The following BRD4 variants were observed in gnomAD, a reference collection of about 807,000 sequenced individuals.
The protein encoded by BRD4 is bromodomain-containing protein 4.
Under a neutral mutation model 142.1 loss-of-function variants are expected in BRD4, and 16 were observed. The observed-to-expected ratio is 0.11, with a 90% CI of 0.08 to 0.17. BRD4 has a LOEUF of 0.17. Ranked by LOEUF, BRD4 falls within the 10% of genes least tolerant of loss-of-function variation. The pLI is 1.00. For synonymous variants in BRD4, 833 were observed against 707.5 expected, an observed-to-expected ratio of 1.18 and a Z score of -2.82; for missense variants, 1,424 against 1,810.9, an observed-to-expected ratio of 0.79 and a Z score of 3.88.
At chr19:15,310,231 T>TG (rs2047955572) in intron 1 of BRD4, among the ~76,000 whole-genome samples, 1 of 148,994 alleles carries the variant, frequency 6.7e-6, no homozygotes, top group African/African-American at 2.5e-5. Flanking sequence ...TTTTTTTTTT[T>TG]GAAAGAGAGT....
At chr19:15,255,776 CTG>C (rs1455687537) in intron 9 of BRD4, among the ~76,000 whole-genome samples, 184 bp from the exon 10 acceptor site, 1 of 152,348 alleles carries the variant, frequency 6.6e-6, no homozygotes, top group Non-Finnish European at 1.5e-5. Flanking sequence ...CCGAAGCAAA[CTG>C]TGACTGGAGG....
chr19:15,285,896 C>T (rs532258072), intron 1 of BRD4, among the ~76,000 whole-genome samples: 2 of 152,280 alleles, frequency 1.3e-5, no homozygotes, highest in South Asian at 4.1e-4. Flanking sequence ...ATGGTGCCCA[C>T]TCTGAGTTTA....
chr19:15,310,213 C>CTTT (rs34519343), intron 1 of BRD4, among the ~76,000 whole-genome samples: 1,238 of 122,370 alleles, frequency 0.01, 26 homozygotes, highest in South Asian at 0.048. Flanking sequence ...TTAAACAGTC[C>CTTT]TTTTTTTTTT....
At chr19:15,246,589 C>T (rs573992696) in intron 11 of BRD4, 2 of 152,228 alleles carry the variant, frequency 1.3e-5, no homozygotes, top group East Asian at 1.9e-4. Context: ...CCTGTTGTCT[C>T]GTGGCCTTGG....
intron 1 of BRD4, among the ~76,000 whole-genome samples, chr19:15,304,778 C>G (rs2047899586): frequency 6.6e-6 from 1 of 152,094 alleles, no homozygotes; most frequent in Non-Finnish European, 1.5e-5. Context: ...GGATTAGGGT[C>G]TCAGTTTTGC....
chr19:15,238,562 T>A lies in BRD4; in HGVS notation c.4021-117A>T. 1 of 1,556,920 alleles carries A rather than the reference T, an allele frequency of 6.4e-7. No homozygotes were observed. Among genetic ancestry groups the A allele is most frequent in the Non-Finnish European group, 8.7e-7 (1 of 1,151,764 alleles). ...AGCCCTCCCCGTGGCTGACCCCTCA[T>A]AGCGCTCACCCCGTCCACACAGCAC... On this transcript the variant is annotated intron_variant, in intron 19 of 19. Transcript: ENST00000679869. This position sits in a 1 kb window ranked among gnomAD's most constrained non-coding sequence, Gnocchi z 7.2.
At chr19:15,274,897 T>G (rs987835376) in intron 1 of BRD4, among the ~76,000 whole-genome samples, 38 of 151,908 alleles carry the variant, frequency 2.5e-4, no homozygotes, top group Non-Finnish European at 1.0e-4. Flanking sequence ...AGACAGGGTC[T>G]GTCGCCCAGG....
At chr19:15,271,717 G>A (rs1357297932) in intron 2 of BRD4, among the ~76,000 whole-genome samples, 1 of 152,240 alleles carries the variant, frequency 6.6e-6, no homozygotes, top group African/African-American at 2.4e-5. Context: ...TCAATGGAGA[G>A]CGTGGCGCCT....
In BRD4 at chr19:15,265,549, C is replaced by A. The variant is rs765222439; in HGVS notation, c.654G>T (p.Val218=). ...TQTPQPNPPP[V]QATPHPFPAV... Reference sequence around the variant, plus strand: ...CAGGGAAGGGGTGAGGCGTGGCCTGCACAGGAGGAGGATTCGGCTGAGGGG... The same window carrying A: ...CAGGGAAGGGGTGAGGCGTGGCCTGAACAGGAGGAGGATTCGGCTGAGGGG... The change falls in exon 5 of 20, where the codon GTG becomes GTT. Residue 218 remains valine (V), a synonymous_variant. Transcript: ENST00000679869. The A allele has an allele frequency of 6.2e-7, 1 of 1,613,950 alleles. No individual in the cohort carries two copies. Among genetic ancestry groups the A allele is most frequent in the East Asian group, 2.2e-5 (1 of 44,870 alleles).
intron 1 of BRD4, among the ~76,000 whole-genome samples, chr19:15,318,919 T>C (rs764421497): frequency 1.1e-4 from 17 of 152,256 alleles, no homozygotes; most frequent in Non-Finnish European, 2.2e-4. Flanking sequence ...CACATCACTG[T>C]TGACACGTTA....
In BRD4 at chr19:15,298,531, G is replaced by A. The variant is rs577099958; in HGVS notation, c.-34-25398C>T. 8.5e-5 allele frequency among the ~76,000 whole-genome samples: 12 copies of A among 140,894 alleles called. No homozygotes were observed. The South Asian group carries it at 2.8e-3, about 33-fold the overall frequency. The allele number at this position is 140,894 out of a possible 152,430, so 92.4% of individuals were successfully genotyped here. On this transcript the variant is annotated intron_variant, in intron 1 of 19. Transcript: ENST00000679869. ...AGCTATTCAGGAGGCTGAAGCAGAA[G>A]AATCACTTGAACCCGGGGGGCAGCG... is the stretch of plus-strand genomic sequence containing the variant.
intron 14 of BRD4, among the ~76,000 whole-genome samples, chr19:15,241,657 T>C (rs890387787): frequency 2.0e-5 from 3 of 152,032 alleles, no homozygotes; most frequent in Non-Finnish European, 2.9e-5. Context: ...TTGCATCCCC[T>C]GTCTATCACC....
At chr19:15,301,941 AG>A (rs905816157) in intron 1 of BRD4, among the ~76,000 whole-genome samples, 1 of 150,422 alleles carries the variant, frequency 6.6e-6, no homozygotes, top group Non-Finnish European at 1.5e-5. Context: ...ATGAGGCAGG[AG>A]TATCATTTGA....
At chr19:15,327,933 G>T (rs2048123988) in intron 1 of BRD4, among the ~76,000 whole-genome samples, 1 of 130,900 alleles carries the variant, frequency 7.6e-6, no homozygotes, top group Non-Finnish European at 1.6e-5. Flanking sequence ...GGGGGGGGTG[G>T]AAATGTCCTA....
At position 15,255,428 on chromosome 19, in the gene BRD4, G is replaced by A; in HGVS notation, c.1916C>T (p.Ser639Leu). 1 of 1,614,158 alleles carries A rather than the reference G, an allele frequency of 6.2e-7. No individual in the cohort carries two copies. The highest frequency in any genetic ancestry group is 1.3e-5 in the African/African-American group (1 of 75,054). The change falls in exon 10 of 20, where the codon TCA (serine) becomes TTA (leucine). Residue 639 changes from serine to leucine, a missense_variant. By Grantham distance (145) the Ser-to-Leu change is moderately radical. Coordinates refer to ENST00000679869, the MANE Select transcript of BRD4 (RefSeq NM_001379291.1). ...KLGRVVHIIQ[S>L]REPSLKNSNP... Reference sequence around the variant, plus strand: ...GGAATTCTTCAGGGAGGGCTCCCGTGACTGGATGATGTGCACCACGCGGCC... The same window carrying A: ...GGAATTCTTCAGGGAGGGCTCCCGTAACTGGATGATGTGCACCACGCGGCC...
chr19:15,310,334 A>G (rs2047956718), intron 1 of BRD4, among the ~76,000 whole-genome samples: 1 of 104,654 alleles, frequency 9.6e-6, no homozygotes, highest in South Asian at 3.7e-4. Context: ...GGAGCATGGC[A>G]CCATGTCCGG....
At chr19:15,290,225 C>A (rs750006992) in intron 1 of BRD4, among the ~76,000 whole-genome samples, 1 of 152,060 alleles carries the variant, frequency 6.6e-6, no homozygotes, top group Non-Finnish European at 1.5e-5. Context: ...ACATTTAACA[C>A]CAAGAGTAAG....
chr19:15,307,612 G>A (rs2047925263), intron 1 of BRD4, among the ~76,000 whole-genome samples: 1 of 152,166 alleles, frequency 6.6e-6, no homozygotes. Flanking sequence ...TCCAGGACAA[G>A]ACAATGCCAA....
At chr19:15,252,100 C>T (rs774012966) in intron 11 of BRD4, among the ~76,000 whole-genome samples, 2 of 152,122 alleles carry the variant, frequency 1.3e-5, no homozygotes, top group Non-Finnish European at 2.9e-5. Context: ...AAAATCTCGG[C>T]AGCGGCAGGA....
Sources: allele counts gnomAD v4.1 joint callset (sites outside exome capture counted in the v4.1 genomes callset), GRCh38; gene constraint gnomAD v4.1.1; non-coding constraint Gnocchi (gnomAD v3.1); transcripts MANE v1.5; gene names NCBI Gene and HGNC (gene_info 2026-07-23, HGNC 2026-07-21).